The following CLDN16 variants were observed in gnomAD, a reference collection of about 807,000 sequenced individuals.
CLDN16 encodes the protein claudin-16.
Under a neutral mutation model 24.6 loss-of-function variants are expected in CLDN16, and 13 were observed. The ratio of observed to expected loss-of-function variants is 0.53; its 90% CI spans 0.34 to 0.84. The LOEUF is 0.84. CLDN16 is among the 40% of genes least tolerant of loss of function. CLDN16 has a pLI of 0.01. For missense variants in CLDN16, 298 were observed against 292.7 expected, an observed-to-expected ratio of 1.02 and a Z score of -0.13; for synonymous variants, 116 against 106.7, an observed-to-expected ratio of 1.09 and a Z score of -0.54.
intron 1 of CLDN16, among the ~76,000 whole-genome samples, chr3:190,343,830 TGGG>T (rs1010849094): frequency 6.6e-6 from 1 of 151,708 alleles, no homozygotes; most frequent in Non-Finnish European, 1.5e-5. Context: ...GGGGAGAAAA[TGGG>T]AAGATACAGG....
In CLDN16 at chr3:190,359,496, C is replaced by T. The variant is rs867312052; in HGVS notation, n.122-11397C>T. ...CTAAAGGTAAATGAATATAATGCTT[C>T]ATTTTTTGATGTTTCTTATCCTGCT... is the stretch of plus-strand genomic sequence containing the variant. On this transcript the variant is annotated intron_variant and non_coding_transcript_variant, in intron 1 of 4. Transcript: ENST00000468220. Among the ~76,000 whole-genome samples, 5 of 152,044 alleles carry T rather than the reference C, an allele frequency of 3.3e-5. No individual in the cohort carries two copies. The South Asian group carries it at 6.2e-4, about 19-fold the overall frequency.
At chr3:190,368,245 C>G (rs1352497283) in intron 1 of CLDN16, among the ~76,000 whole-genome samples, 2 of 151,922 alleles carry the variant, frequency 1.3e-5, no homozygotes, top group Non-Finnish European at 2.9e-5. Flanking sequence ...CTCTGTCCCT[C>G]TGAACACTCT....
chr3:190,293,901 C>T, the CLDN16 span, among the ~76,000 whole-genome samples: 10 of 152,058 alleles, frequency 6.6e-5, no homozygotes, highest in African/African-American at 1.7e-4. Context: ...AATTTGGTTT[C>T]GTTCATGTTT....
rs553227728 is a variant in CLDN16, at chr3:190,356,762, G to T, written n.122-14131G>T. On this transcript the variant is annotated intron_variant and non_coding_transcript_variant, in intron 1 of 4. Coordinates refer to the CLDN16 transcript ENST00000468220. ...TAAATATTCCATGCTATAAAAGAAA[G>T]AATTATTATTACAACTATGGATAAG... Among the ~76,000 whole-genome samples, 15 of 151,830 alleles carry T rather than the reference G, an allele frequency of 9.9e-5. No individual in the cohort carries two copies. In the South Asian group the frequency reaches 2.7e-3, roughly 27 times the overall value.
At chr3:190,387,880 G>A (rs937026041), upstream of CLDN16, 9 of 561,336 alleles carry the variant, frequency 1.6e-5, no homozygotes, top group African/African-American at 9.4e-5. Flanking sequence ...GCCTTCTTCC[G>A]AGTGGGGAGG....
At chr3:190,315,472 A>G in the CLDN16 span, among the ~76,000 whole-genome samples, 1 of 152,180 alleles carries the variant, frequency 6.6e-6, no homozygotes, top group African/African-American at 2.4e-5. Flanking sequence ...GATGGATTCT[A>G]TTCTAAGTAT....
At chr3:190,313,643 A>AT in the CLDN16 span, among the ~76,000 whole-genome samples, 10 of 152,218 alleles carry the variant, frequency 6.6e-5, no homozygotes, top group Non-Finnish European at 1.0e-4. Context: ...CTTAAAACTA[A>AT]ACAAAATAAC....
At chr3:190,341,121 G>T (rs573133474) in intron 1 of CLDN16, among the ~76,000 whole-genome samples, 2 of 152,148 alleles carry the variant, frequency 1.3e-5, no homozygotes, top group Non-Finnish European at 2.9e-5. Flanking sequence ...AGTGCAAGCC[G>T]TCAGTGGATC....
intron 1 of CLDN16, among the ~76,000 whole-genome samples, chr3:190,334,491 A>AT (rs759933609): frequency 5.3e-5 from 8 of 152,178 alleles, no homozygotes; most frequent in Admixed American, 1.3e-4. Context: ...GCACTGGACA[A>AT]TTTTTTGTGT....
chr3:190,387,110 C>G (rs1718519880), upstream of CLDN16, among the ~76,000 whole-genome samples: 1 of 152,100 alleles, frequency 6.6e-6, no homozygotes. Context: ...ACATTCTCTC[C>G]TACATTAAGA....
chr3:190,403,424 A>C (rs1402072331), intron 2 of CLDN16, among the ~76,000 whole-genome samples: 1 of 152,176 alleles, frequency 6.6e-6, no homozygotes, highest in Non-Finnish European at 1.5e-5. Context: ...TAAAAATCTT[A>C]CTGTTGATTC....
chr3:190,362,547 G>A (rs1019642033), intron 1 of CLDN16, among the ~76,000 whole-genome samples: 1 of 151,932 alleles, frequency 6.6e-6, no homozygotes, highest in African/African-American at 2.4e-5. Flanking sequence ...ATCCCGCAGA[G>A]CTGGCTCTGT....
chr3:190,327,256 G>A (rs957046673), intron 1 of CLDN16, among the ~76,000 whole-genome samples: 6 of 152,162 alleles, frequency 3.9e-5, no homozygotes, highest in African/African-American at 1.2e-4. Flanking sequence ...GTATTTCCTT[G>A]ATTGAATTAA....
At chr3:190,352,446 T>C (rs1425101) in intron 1 of CLDN16, among the ~76,000 whole-genome samples, 140,751 of 152,132 alleles carry the variant, frequency 0.93, 65,112 homozygotes, top group East Asian at 1. Flanking sequence ...AGGTCATTTC[T>C]AGCTTTAGGA....
chr3:190,351,813 A>G (rs998015490), intron 1 of CLDN16, among the ~76,000 whole-genome samples: 2 of 152,140 alleles, frequency 1.3e-5, no homozygotes, highest in Admixed American at 6.6e-5. Context: ...ACGTTATTTT[A>G]TCTATTAGCA....
the CLDN16 span, among the ~76,000 whole-genome samples, chr3:190,309,500 T>G: frequency 3.9e-5 from 6 of 152,342 alleles, no homozygotes; most frequent in South Asian, 1.2e-3. Context: ...CCTGACTGAA[T>G]GTAGTTATTA....
rs1366536006 is a variant in CLDN16 at position 190,388,469 on chromosome 3, T to C, written c.114+26T>C. The C allele has an allele frequency of 7.5e-6, 12 of 1,609,724 alleles. No individual in the cohort carries two copies. In the East Asian group the frequency reaches 2.0e-4, roughly 27 times the overall value. ...GTAAGAAGATAGCAGCTTCTTTTCA[T>C]GATCCAGGCCAGCCCAAATTTTCGC... On this transcript the variant is annotated intron_variant, in intron 1 of 4. Transcript: ENST00000264734.
chr3:190,314,609 G>A, the CLDN16 span, among the ~76,000 whole-genome samples: 1 of 149,870 alleles, frequency 6.7e-6, no homozygotes, highest in Non-Finnish European at 1.5e-5. Context: ...TCACCATGTT[G>A]CCCAGGATGG....
chr3:190,321,638 T>G (rs1716924377), upstream of CLDN16, among the ~76,000 whole-genome samples: 1 of 152,176 alleles, frequency 6.6e-6, no homozygotes. Context: ...CAATCCTCAA[T>G]TTACCCCAAA....
Sources: allele counts gnomAD v4.1 joint callset (sites outside exome capture counted in the v4.1 genomes callset), GRCh38; gene constraint gnomAD v4.1.1; transcripts MANE v1.5; gene names NCBI Gene and HGNC (gene_info 2026-07-23, HGNC 2026-07-21).